CCDC7: variants seen among roughly 807,000 people sequenced by gnomAD.
CCDC7 encodes the protein coiled-coil domain-containing protein 7.
A neutral mutation model predicts 196.9 loss-of-function variants in CCDC7; 183 were observed. That is an observed-to-expected ratio of 0.93 (90% CI 0.82 to 1.05). CCDC7 has a LOEUF of 1.05. Among genes scored for constraint, CCDC7 ranks in the 50% least tolerant of loss-of-function variants. The probability of loss-of-function intolerance (pLI) is 0.00; values close to 1 mark genes in which losing one functional copy is unlikely to be tolerated. For missense variants in CCDC7, 1,540 were observed against 1,482.2 expected, an observed-to-expected ratio of 1.04 and a Z score of -0.64; for synonymous variants, 525 against 484.6, an observed-to-expected ratio of 1.08 and a Z score of -1.10.
At chr10:32,811,668 C>G (rs1000084293) in intron 30 of CCDC7, among the ~76,000 whole-genome samples, 8 of 152,068 alleles carry the variant, frequency 5.3e-5, no homozygotes, top group Admixed American at 3.9e-4. Flanking sequence ...ACCAATTCCC[C>G]TCAAACTATT....
intron 30 of CCDC7, among the ~76,000 whole-genome samples, chr10:32,813,303 A>T (rs2087599137): frequency 6.6e-6 from 1 of 152,148 alleles, no homozygotes; most frequent in East Asian, 1.9e-4. Flanking sequence ...TATCTCATTG[A>T]ACTTAGTAGT....
chr10:32,853,263 G>A (rs1259921062), intron 40 of CCDC7, among the ~76,000 whole-genome samples: 2 of 151,874 alleles, frequency 1.3e-5, no homozygotes, highest in African/African-American at 4.8e-5. Context: ...TTAATAAATG[G>A]TCTAAATAGT....
At chr10:32,512,378 A>G (rs907340232) in intron 9 of CCDC7, 3 of 152,256 alleles carry the variant, frequency 2.0e-5, no homozygotes, top group African/African-American at 7.2e-5. Flanking sequence ...TTGCCTTTCA[A>G]AGCGTCTTTA....
intron 24 of CCDC7, among the ~76,000 whole-genome samples, chr10:32,709,727 C>G (rs1358940596): frequency 6.6e-6 from 1 of 152,132 alleles, no homozygotes; most frequent in Non-Finnish European, 1.5e-5. Context: ...GTCATGGCCT[C>G]GGTGCTGGGG....
chr10:32,789,720 A>G (rs1592768415), intron 29 of CCDC7, among the ~76,000 whole-genome samples: 1 of 152,266 alleles, frequency 6.6e-6, no homozygotes, highest in African/African-American at 2.4e-5. Flanking sequence ...GAATAGATTA[A>G]TGCTATTATC....
At chr10:32,572,127 A>C (rs1349472892) in intron 16 of CCDC7, among the ~76,000 whole-genome samples, 1 of 152,122 alleles carries the variant, frequency 6.6e-6, no homozygotes, top group Non-Finnish European at 1.5e-5. Flanking sequence ...GTAGAAACAA[A>C]CTTTTTTTTC....
intron 5 of CCDC7, among the ~76,000 whole-genome samples, chr10:32,463,867 G>A (rs2036224780): frequency 6.6e-6 from 1 of 152,152 alleles, no homozygotes; most frequent in Non-Finnish European, 1.5e-5. Flanking sequence ...ACATTTGACT[G>A]ACATTGGAAA....
chr10:32,501,607 G>T (rs2044048085), intron 9 of CCDC7, among the ~76,000 whole-genome samples: 1 of 152,128 alleles, frequency 6.6e-6, no homozygotes, highest in Admixed American at 6.6e-5. Context: ...TCTGCTGCAG[G>T]TCTGCTGGAG....
intron 28 of CCDC7, among the ~76,000 whole-genome samples, chr10:32,740,216 T>A (rs1219190461): frequency 6.6e-6 from 1 of 152,182 alleles, no homozygotes; most frequent in African/African-American, 2.4e-5. Flanking sequence ...TATTGTATAA[T>A]AAAGCCTGTG....
At chr10:32,477,403 A>G (rs1462271213) in intron 8 of CCDC7, among the ~76,000 whole-genome samples, 1 of 151,856 alleles carries the variant, frequency 6.6e-6, no homozygotes, top group African/African-American at 2.4e-5. Context: ...GGGTTTCACC[A>G]TGTTGGTCAG....
At chr10:32,846,000 T>G (rs1457666229) in intron 36 of CCDC7, 41 bp downstream of exon 37, 1 of 1,397,582 alleles carries the variant, frequency 7.2e-7, no homozygotes, top group Non-Finnish European at 1.0e-6. Context: ...TTAGGCTTAT[T>G]TATATTCCCT....
chr10:32,631,269 T>C (rs2064819804), intron 18 of CCDC7, among the ~76,000 whole-genome samples: 2 of 152,218 alleles, frequency 1.3e-5, no homozygotes, highest in African/African-American at 4.8e-5. Context: ...TATTTTTTTA[T>C]AAAGGGTTTT....
At chr10:32,635,242 C>CT (rs1448870980) in intron 20 of CCDC7, 84 bp downstream of exon 21, 3 of 390,222 alleles carry the variant, frequency 7.7e-6, no homozygotes, top group Non-Finnish European at 9.0e-6. Context: ...ATATCTACAA[C>CT]TTTTTTTGTA....
chr10:32,532,063 C>A (rs963155859), intron 11 of CCDC7, among the ~76,000 whole-genome samples: 2 of 151,914 alleles, frequency 1.3e-5, no homozygotes, highest in Non-Finnish European at 1.5e-5. Flanking sequence ...TTCATTATTT[C>A]TTTTCTTCTA....
At chr10:32,849,641 T>C (rs567137063) in intron 39 of CCDC7, among the ~76,000 whole-genome samples, 138 of 142,896 alleles carry the variant, frequency 9.7e-4, no homozygotes, top group African/African-American at 3.4e-3. Context: ...AGGTGGAGGT[T>C]GCAGTGAGCC....
chr10:32,518,050 A>T, intron 10 of CCDC7, 75 bp downstream of exon 11: 1 of 1,460,234 alleles, frequency 6.8e-7, no homozygotes, highest in Non-Finnish European at 9.1e-7. Flanking sequence ...TTGTCAGGAT[A>T]CATAATCCTA....
Position 32,515,618 on chromosome 10 carries a change from A to G in CCDC7, c.873-2327A>G, listed in dbSNP as rs17575592. On this transcript the variant is annotated intron_variant, in intron 9 of 41. Coordinates refer to ENST00000639629, the Ensembl canonical transcript of CCDC7. Reference sequence around the variant, plus strand: ...GAGTGCAGTGGCACAATCTTGGCTCACTGCAAGCTCTGCCTCCCGGGTTCA... The same window carrying G: ...GAGTGCAGTGGCACAATCTTGGCTCGCTGCAAGCTCTGCCTCCCGGGTTCA... Among the ~76,000 whole-genome samples the G allele has an allele frequency of 4.7e-4, 71 of 152,070 alleles. 1 individual carries two copies. The highest frequency in any genetic ancestry group is 1.7e-3 in the East Asian group (9 of 5,150).
intron 9 of CCDC7, among the ~76,000 whole-genome samples, chr10:32,501,440 TC>T (rs201334170): frequency 0.02 from 2,972 of 152,308 alleles, 102 homozygotes; most frequent in African/African-American, 0.067. Flanking sequence ...GCAGCTGTGA[TC>T]CTTTGCAGTA....
intron 33 of CCDC7, among the ~76,000 whole-genome samples, chr10:32,840,200 A>C (rs2092886208): frequency 6.6e-6 from 1 of 152,086 alleles, no homozygotes; most frequent in Non-Finnish European, 1.5e-5. Flanking sequence ...GCAAAAGATA[A>C]ATGAAACAAA....
Sources: allele counts gnomAD v4.1 joint callset (sites outside exome capture counted in the v4.1 genomes callset), GRCh38; gene constraint gnomAD v4.1.1; transcripts MANE v1.5; gene names NCBI Gene and HGNC (gene_info 2026-07-23, HGNC 2026-07-21).